Variants in TCERG1L observed in about 807,000 individuals in gnomAD.
The protein encoded by TCERG1L is transcription elongation regulator 1 like.
A neutral mutation model predicts 56.3 loss-of-function variants in TCERG1L; 37 were observed. That is an observed-to-expected ratio of 0.66 (90% confidence interval 0.51 to 0.87). The LOEUF is 0.87. Ranked by LOEUF, TCERG1L falls within the 40% of genes least tolerant of loss-of-function variation. The pLI, the probability that TCERG1L is intolerant of heterozygous loss-of-function variation, is 0.00. For missense variants in TCERG1L, 799 were observed against 774.2 expected, an observed-to-expected ratio of 1.03 and a Z score of -0.38; for synonymous variants, 324 against 326.3, an observed-to-expected ratio of 0.99 and a Z score of 0.08.
chr10:131,282,004 C>T (rs184151667), intron 3 of TCERG1L, among the ~76,000 whole-genome samples: 5,770 of 151,894 alleles, frequency 0.038, 142 homozygotes, highest in African/African-American at 0.059. Context: ...GGCGCGGTGG[C>T]GGGCGCCTGT....
chr10:131,250,714 G>A (rs748383460), intron 4 of TCERG1L, among the ~76,000 whole-genome samples: 19 of 152,108 alleles, frequency 1.2e-4, no homozygotes, highest in African/African-American at 2.7e-4. Context: ...CTCCTAGCCC[G>A]GGAGCCCAGC....
At chr10:131,257,049 G>GAAAGAAAGAAAGAAAGAAAGA (rs1564827261) in intron 4 of TCERG1L, among the ~76,000 whole-genome samples, 3 of 140,386 alleles carry the variant, frequency 2.1e-5, no homozygotes, top group Admixed American at 7.2e-5. Flanking sequence ...AAGAAAGAAA[G>GAAAGAAAGAAAGAAAGAAAGA]AAAGAAAAGA....
chr10:131,195,840 T>A (rs1480316569), intron 4 of TCERG1L, among the ~76,000 whole-genome samples: 1 of 152,246 alleles, frequency 6.6e-6, no homozygotes, highest in Non-Finnish European at 1.5e-5. Flanking sequence ...ACGCTCGGCC[T>A]GCGGGGCGCG....
At chr10:131,155,454 C>T (rs1000043340) in intron 6 of TCERG1L, among the ~76,000 whole-genome samples, 8 of 152,318 alleles carry the variant, frequency 5.3e-5, no homozygotes, top group East Asian at 3.9e-4. Flanking sequence ...ATCTGCCCCA[C>T]GCAGCCTCTG....
rs578221558 is a variant in TCERG1L, at chr10:131,155,582, G to T, written c.1034+7540C>A. Among the ~76,000 whole-genome samples, 363 of 152,316 alleles carry T rather than the reference G, an allele frequency of 2.4e-3. 2 individuals are homozygous for T. In the South Asian group the frequency reaches 0.028, roughly 12 times the overall value. The stretch of plus-strand genomic sequence containing the variant: ...TCACCCTGCTCTTGCACCCAGCAGT[G>T]TCCCAGCTTTCCTCAAACCCAGGGA... On this transcript the variant is annotated intron_variant, in intron 6 of 11. Coordinates refer to ENST00000368642, the MANE Select transcript of TCERG1L (RefSeq NM_174937.4).
chr10:131,247,402 A>C (rs941649814), intron 4 of TCERG1L, among the ~76,000 whole-genome samples: 1 of 152,242 alleles, frequency 6.6e-6, no homozygotes, highest in African/African-American at 2.4e-5. Flanking sequence ...GATCAGCATC[A>C]CCTACCAGCC....
intron 4 of TCERG1L, among the ~76,000 whole-genome samples, chr10:131,200,310 C>A (rs1411725615): frequency 2.0e-5 from 3 of 152,210 alleles, no homozygotes; most frequent in African/African-American, 7.2e-5. Flanking sequence ...AAGTCCAAGG[C>A]CAAGGCACTG....
intron 9 of TCERG1L, among the ~76,000 whole-genome samples, chr10:131,108,708 T>G (rs1845378838): frequency 6.6e-6 from 1 of 152,126 alleles, no homozygotes; most frequent in Non-Finnish European, 1.5e-5. Flanking sequence ...ATGGGGGCAT[T>G]GGGCTCCTCA....
intron 8 of TCERG1L, among the ~76,000 whole-genome samples, chr10:131,124,116 A>G (rs1329547515): frequency 6.6e-6 from 1 of 152,132 alleles, no homozygotes; most frequent in Non-Finnish European, 1.5e-5. Context: ...TGATGCTACA[A>G]GATGATGCAC....
At chr10:131,276,148 G>A (rs958216042) in intron 3 of TCERG1L, among the ~76,000 whole-genome samples, 2 of 152,158 alleles carry the variant, frequency 1.3e-5, no homozygotes, top group African/African-American at 4.8e-5. Flanking sequence ...AATTAAAAGG[G>A]TCCACAGCTT....
At chr10:131,268,268 CTT>C (rs1033253209) in intron 3 of TCERG1L, among the ~76,000 whole-genome samples, 11 of 152,194 alleles carry the variant, frequency 7.2e-5, no homozygotes, top group African/African-American at 2.7e-4. Context: ...TGATAGGAAT[CTT>C]TTTTATTTTT....
chr10:131,133,786 G>C (rs1045204750), intron 8 of TCERG1L, among the ~76,000 whole-genome samples: 1 of 152,192 alleles, frequency 6.6e-6, no homozygotes, highest in Non-Finnish European at 1.5e-5. Flanking sequence ...TCCCTACCTC[G>C]GTGCATGGCA....
chr10:131,167,087 A>G (rs1846039350), intron 4 of TCERG1L, among the ~76,000 whole-genome samples: 1 of 152,184 alleles, frequency 6.6e-6, no homozygotes, highest in Admixed American at 6.5e-5. Context: ...TGCACCTGAC[A>G]ATGGGTTTGC....
chr10:131,244,366 G>C (rs974279252), intron 4 of TCERG1L, among the ~76,000 whole-genome samples: 1 of 152,196 alleles, frequency 6.6e-6, no homozygotes, highest in Non-Finnish European at 1.5e-5. Flanking sequence ...GGTTCAAGGA[G>C]TTCATCCAGG....
chr10:131,179,424 C>T (rs11017800), intron 4 of TCERG1L, among the ~76,000 whole-genome samples: 69,990 of 152,078 alleles, frequency 0.46, 19,236 homozygotes, highest in South Asian at 0.68. Flanking sequence ...GAATGTGCCC[C>T]GCAGGGCACC....
chr10:131,271,993 C>T (rs926449440), intron 3 of TCERG1L, among the ~76,000 whole-genome samples: 2 of 152,138 alleles, frequency 1.3e-5, no homozygotes, highest in African/African-American at 2.4e-5. Context: ...ACTCTTTGAC[C>T]AGGACAGTGA....
chr10:131,275,035 G>A (rs965841600), intron 3 of TCERG1L, among the ~76,000 whole-genome samples: 6 of 152,156 alleles, frequency 3.9e-5, no homozygotes, highest in Non-Finnish European at 5.9e-5. Flanking sequence ...ACTGACTCCT[G>A]ATCCATACTC....
intron 8 of TCERG1L, among the ~76,000 whole-genome samples, chr10:131,117,340 A>G (rs1357903283): frequency 6.6e-6 from 1 of 152,220 alleles, no homozygotes; most frequent in Non-Finnish European, 1.5e-5. Flanking sequence ...GGTAAGGAGC[A>G]GGCTTTTCAT....
chr10:131,207,508 C>T (rs1017960407), intron 4 of TCERG1L, among the ~76,000 whole-genome samples: 2 of 152,224 alleles, frequency 1.3e-5, no homozygotes, highest in East Asian at 1.9e-4. Flanking sequence ...CTCCCTGCAG[C>T]TCTCCCTTGA....
Sources: gnomAD v4.1 joint callset for allele counts (sites outside exome capture counted in the v4.1 genomes callset) on GRCh38, gnomAD v4.1.1 for gene constraint, MANE v1.5 for transcripts, NCBI Gene and HGNC (gene_info 2026-07-23, HGNC 2026-07-21) for gene names.